DOT1L: variants seen among roughly 807,000 people sequenced by gnomAD.
DOT1L encodes the protein DOT1 like histone lysine methyltransferase.
Under a neutral mutation model 153.3 loss-of-function variants are expected in DOT1L, and 33 were observed. The ratio of observed to expected loss-of-function variants is 0.22; its 90% confidence interval spans 0.16 to 0.29. The LOEUF is 0.29. Ranked by LOEUF, DOT1L falls within the 10% of genes least tolerant of loss-of-function variation. The pLI is 1.00. For synonymous variants in DOT1L, 1,135 were observed against 965.1 expected, an observed-to-expected ratio of 1.18 and a Z score of -3.26; for missense variants, 1,847 against 2,119.9, an observed-to-expected ratio of 0.87 and a Z score of 2.53.
intron 27 of DOT1L, chr19:2,229,175 C>T (rs1445696723): frequency 1.5e-5 from 15 of 985,328 alleles, no homozygotes; most frequent in African/African-American, 1.7e-5. Context: ...GATGTGAGGC[C>T]TTCAGGGAAT....
chr19:2,183,140 A>G (rs2022320461), intron 2 of DOT1L, among the ~76,000 whole-genome samples: 1 of 152,154 alleles, frequency 6.6e-6, no homozygotes, highest in South Asian at 2.1e-4. Flanking sequence ...TTCAGTCCCC[A>G]TACGGCCAGT....
Position 2,222,838 on chromosome 19 carries a change from C to T in DOT1L, c.3390+279C>T, listed in dbSNP as rs1345742520. ...GGCGGGGCTTGCAGTGAACTGAGAT[C>T]GGCCACTGCCTGGGCCACAGAGCGA... On this transcript the variant is annotated intron_variant, in intron 24 of 27. Transcript: ENST00000398665. The surrounding 1 kb of genome is among the most constrained non-coding windows in gnomAD (Gnocchi z 6.5). 9 of 435,456 alleles carry T rather than the reference C, an allele frequency of 2.1e-5. No homozygotes were observed. In the South Asian group the frequency reaches 3.1e-4, roughly 15 times the overall value. 27.0% of individuals were successfully genotyped at this position (435,456 alleles called of 1,614,324 possible).
rs2074553 is a variant in DOT1L at position 2,190,775 on chromosome 19, T to G, written c.265-237T>G. 2.0e-5 allele frequency among the ~76,000 whole-genome samples: 3 copies of G among 150,942 alleles called. No individual in the cohort carries two copies. The highest frequency in any genetic ancestry group is 2.0e-4 in the Admixed American group (3 of 15,198). ...GGGGAGAGAGGCCCGTGGCAGGAGG[T>G]GGAGCCTCCTAGGACCCCTCTGAGT... On this transcript the variant is annotated intron_variant, in intron 4 of 27. Transcript: ENST00000398665. The surrounding 1 kb of genome is among the most constrained non-coding windows in gnomAD (Gnocchi z 4.8).
At position 2,229,980 on chromosome 19, in the gene DOT1L, A is replaced by G; in HGVS notation, c.*188A>G. 1 of 809,802 alleles carries G rather than the reference A, an allele frequency of 1.2e-6. No homozygotes were observed. The highest frequency in any genetic ancestry group is 1.9e-6 in the Non-Finnish European group (1 of 518,972). The allele number at this position is 809,802 out of a possible 1,614,324, so 50.2% of individuals were successfully genotyped here. A position where few individuals can be genotyped will look rare whatever the true frequency, so the allele number is the denominator to read the frequency against. ...GACTGGTCCAGTTTGTACTGTCGAT[A>G]GTTTTAGATAAAGTATTTATCATTT... On this transcript the variant is annotated 3_prime_UTR_variant, in exon 28 of 28. Coordinates refer to ENST00000398665, the MANE Select transcript of DOT1L (RefSeq NM_032482.3).
intron 1 of DOT1L, among the ~76,000 whole-genome samples, chr19:2,166,156 G>A (rs1375503569): frequency 2.6e-5 from 4 of 151,908 alleles, no homozygotes; most frequent in Admixed American, 1.3e-4. Context: ...GAGTGCAATG[G>A]TGCGATCTCG....
intron 22 of DOT1L, among the ~76,000 whole-genome samples, chr19:2,218,934 T>C (rs550546867): frequency 6.6e-6 from 1 of 152,166 alleles, no homozygotes; most frequent in Non-Finnish European, 1.5e-5. Flanking sequence ...CACGATCTTG[T>C]GATCTTTACT....
At chr19:2,214,400 T>C (rs2144854803) in intron 18 of DOT1L, 71 bp from the exon 19 acceptor site, 1 of 1,577,232 alleles carries the variant, frequency 6.3e-7, no homozygotes, top group Non-Finnish European at 8.6e-7. Context: ...CAGGGAACCC[T>C]GCCCTGAGAG....
chr19:2,168,048 C>T (rs1301936622), intron 1 of DOT1L, among the ~76,000 whole-genome samples: 2 of 152,188 alleles, frequency 1.3e-5, no homozygotes, highest in African/African-American at 2.4e-5. Context: ...GCTGCAGCAG[C>T]ACATTTATTC....
At chr19:2,202,186 C>T (rs1167505029) in intron 8 of DOT1L, among the ~76,000 whole-genome samples, 1 of 152,228 alleles carries the variant, frequency 6.6e-6, no homozygotes, top group Non-Finnish European at 1.5e-5. Flanking sequence ...CAGTGCTGGG[C>T]CTGCAGGGGA....
intron 25 of DOT1L, among the ~76,000 whole-genome samples, chr19:2,224,488 C>G (rs1019910161): frequency 2.8e-5 from 4 of 140,982 alleles, no homozygotes; most frequent in African/African-American, 8.0e-5. Context: ...TTTCCTGAGA[C>G]ACAGAGTTTT....
chr19:2,194,461 G>A (rs1599566107), intron 6 of DOT1L, 54 bp from the exon 7 acceptor site: 8 of 1,605,558 alleles, frequency 5.0e-6, no homozygotes, highest in Admixed American at 3.3e-5. Flanking sequence ...GTGAGCCACC[G>A]CGCCTGGCTT....
chr19:2,203,641 C>T (rs572843868), intron 9 of DOT1L, among the ~76,000 whole-genome samples: 1 of 152,324 alleles, frequency 6.6e-6, no homozygotes, highest in Non-Finnish European at 1.5e-5. Context: ...GAGAACTCAG[C>T]CCATGACATC....
Position 2,207,687 on chromosome 19 carries a change from ATC to A in DOT1L, c.963+10_963+11del, listed in dbSNP as rs1458039528. 1 of 1,607,210 alleles carries A rather than the reference ATC, an allele frequency of 6.2e-7. No homozygotes were observed. Among genetic ancestry groups the A allele is most frequent in the Non-Finnish European group, 8.5e-7 (1 of 1,177,390 alleles). ...CACTATCGACCGCACCATAGTGAGT[ATC>A]TCGCTGCGCCTCAGCCGCAGGGCCG... On this transcript the variant is annotated splice_region_variant and intron_variant, in intron 11 of 27. Coordinates refer to ENST00000398665, the MANE Select transcript of DOT1L (RefSeq NM_032482.3). This position sits in a 1 kb window ranked among gnomAD's most constrained non-coding sequence, Gnocchi z 4.5.
At chr19:2,183,162 G>A (rs571880919) in intron 2 of DOT1L, among the ~76,000 whole-genome samples, 2 of 152,148 alleles carry the variant, frequency 1.3e-5, no homozygotes, top group Non-Finnish European at 2.9e-5. Flanking sequence ...TCCCAAGCAC[G>A]TCCTCCCACA....
chr19:2,211,153 G>A lies in DOT1L; in HGVS notation c.1406G>A (p.Arg469Gln), dbSNP rs762394774. The change falls in exon 15 of 28, where the codon CGG becomes CAG. Residue 469 changes from arginine to glutamine, a missense_variant. Around this residue, in one of 8 missense-constraint regions of DOT1L, gnomAD observed 205 missense variants for 203.1 expected, o/e 1.01. Coordinates refer to ENST00000398665, the MANE Select transcript of DOT1L (RefSeq NM_032482.3). ...PFYQLPPSVQRHSPNPLLVAP... is the reference protein window; with the variant it reads ...PFYQLPPSVQQHSPNPLLVAP... ...TACCAGCTACCTCCGAGCGTGCAGC[G>A]GCACTCCCCCAACCCGCTGCTGGTG... 11 of 1,612,864 alleles carry A rather than the reference G, an allele frequency of 6.8e-6. No homozygotes were observed. In the Admixed American group the frequency reaches 8.3e-5, roughly 12 times the overall value.
At chr19:2,223,196 A>G (rs1293943023) in intron 24 of DOT1L, 85 bp from the exon 25 acceptor site, 10 of 1,473,790 alleles carry the variant, frequency 6.8e-6, no homozygotes, top group Middle Eastern at 3.5e-4. Context: ...GGGTGCAGAC[A>G]GGAGCCTCCT....
At position 2,210,813 on chromosome 19, in the gene DOT1L, C is replaced by A. The variant is rs1279470143; in HGVS notation, c.1309C>A (p.His437Asn). ...GAACCAAACTGCACTGGATGCCCTG[C>A]ACGCTCAGACCGTGTCTCAGACGGC... The part of the protein sequence containing the change: ...KKNQTALDAL[H>N]AQTVSQTAAS... Residue 437 changes from histidine to asparagine, a missense_variant, in exon 14 of 28, where the codon CAC (histidine) becomes AAC (asparagine). By Grantham distance (68) the His-to-Asn change is moderately conservative. Around this residue, in one of 8 missense-constraint regions of DOT1L, gnomAD observed 205 missense variants for 203.1 expected, o/e 1.01. Coordinates refer to ENST00000398665, the MANE Select transcript of DOT1L (RefSeq NM_032482.3). The A allele has an allele frequency of 6.2e-7, 1 of 1,612,890 alleles. No individual in the cohort carries two copies. The highest frequency in any genetic ancestry group is 8.5e-7 in the Non-Finnish European group (1 of 1,179,988).
intron 1 of DOT1L, among the ~76,000 whole-genome samples, chr19:2,169,907 G>A (rs1239893943): frequency 2.0e-5 from 3 of 152,064 alleles, no homozygotes; most frequent in African/African-American, 7.2e-5. Context: ...CTGTAATCCC[G>A]GCACTTTGGG....
At chr19:2,219,813 C>T (rs1262478193) in intron 22 of DOT1L, among the ~76,000 whole-genome samples, 1 of 152,132 alleles carries the variant, frequency 6.6e-6, no homozygotes, top group African/African-American at 2.4e-5. Context: ...CTGTGGGTTG[C>T]TTGGGTTGTG....
Sources: allele counts gnomAD v4.1 joint callset (sites outside exome capture counted in the v4.1 genomes callset), GRCh38; gene constraint gnomAD v4.1.1; regional missense constraint gnomAD v4.1.1; non-coding constraint Gnocchi (gnomAD v3.1); transcripts MANE v1.5; gene names NCBI Gene and HGNC (gene_info 2026-07-23, HGNC 2026-07-21).